PCDH15: variants seen among roughly 807,000 people sequenced by gnomAD.
The protein encoded by PCDH15 is protocadherin-15.
In PCDH15, 129 loss-of-function variants were observed where a neutral mutation model predicts 178.5. That is an observed-to-expected ratio of 0.72 (90% confidence interval 0.63 to 0.84). The LOEUF is 0.84. PCDH15 is among the 40% of genes least tolerant of loss of function. The pLI is 0.00. For synonymous variants in PCDH15, 800 were observed against 732.0 expected, an observed-to-expected ratio of 1.09 and a Z score of -1.50; for missense variants, 2,230 against 2,099.9, an observed-to-expected ratio of 1.06 and a Z score of -1.21.
chr10:55,175,547 C>A (rs1348935534), intron 1 of PCDH15, among the ~76,000 whole-genome samples: 1 of 151,096 alleles, frequency 6.6e-6, no homozygotes, highest in African/African-American at 2.4e-5. Flanking sequence ...CCTATAATCC[C>A]AGGTACTTGG....
intron 25 of PCDH15, among the ~76,000 whole-genome samples, chr10:53,922,385 C>A (rs146257746): frequency 5.3e-4 from 80 of 152,128 alleles, no homozygotes; most frequent in Middle Eastern, 3.4e-3. Context: ...CCTTAAAATT[C>A]TCAAATACCC....
intron 13 of PCDH15, among the ~76,000 whole-genome samples, chr10:54,170,246 C>G (rs1485834473): frequency 9.0e-6 from 1 of 111,458 alleles, no homozygotes; most frequent in East Asian, 2.0e-4. Flanking sequence ...ACTGATCTCT[C>G]AAACCACAGC....
At chr10:54,971,320 G>C (rs1164105268) in intron 2 of PCDH15, among the ~76,000 whole-genome samples, 2 of 152,082 alleles carry the variant, frequency 1.3e-5, no homozygotes, top group Non-Finnish European at 1.5e-5. Flanking sequence ...GGAACTGGAT[G>C]GGTCCTTTTG....
At chr10:55,520,908 C>T (rs1393646136) in intron 2 of PCDH15, among the ~76,000 whole-genome samples, 1 of 151,526 alleles carries the variant, frequency 6.6e-6, no homozygotes, top group African/African-American at 2.4e-5. Context: ...ATATTATCAC[C>T]TTACATAATT....
At chr10:53,938,632 T>C (rs747868389) in intron 25 of PCDH15, among the ~76,000 whole-genome samples, 183 bp downstream of exon 25, 1 of 152,094 alleles carries the variant, frequency 6.6e-6, no homozygotes. Flanking sequence ...ATTTCAGGAG[T>C]ATGAAATCAC....
At chr10:54,242,356 C>T (rs1052652603) in intron 8 of PCDH15, among the ~76,000 whole-genome samples, 1 of 151,150 alleles carries the variant, frequency 6.6e-6, no homozygotes, top group Non-Finnish European at 1.5e-5. Context: ...GAGAAACACT[C>T]AGATTTCAGA....
chr10:55,597,245 C>T (rs1207268913), intron 2 of PCDH15: 1 of 152,126 alleles, frequency 6.6e-6, no homozygotes, highest in Non-Finnish European at 1.5e-5. Flanking sequence ...CACGTTCACG[C>T]ACACAAGTAC....
chr10:55,055,290 G>A (rs1244435559), intron 2 of PCDH15, among the ~76,000 whole-genome samples: 6 of 152,090 alleles, frequency 3.9e-5, no homozygotes, highest in South Asian at 2.1e-4. Flanking sequence ...TGATTAGCTC[G>A]TTAATTGGAG....
At chr10:55,380,427 AAAT>A (rs1200631290) in intron 2 of PCDH15, among the ~76,000 whole-genome samples, 3 of 152,204 alleles carry the variant, frequency 2.0e-5, no homozygotes, top group Non-Finnish European at 4.4e-5. Context: ...TTGAGTAAAG[AAAT>A]AATAGCTTTT....
intron 21 of PCDH15, among the ~76,000 whole-genome samples, chr10:53,991,825 T>G (rs2091507069): frequency 6.6e-6 from 1 of 152,044 alleles, no homozygotes; most frequent in Non-Finnish European, 1.5e-5. Flanking sequence ...CAGCACCCTG[T>G]CAAAACAGAC....
chr10:54,307,672 A>C (rs1453240113), intron 8 of PCDH15, among the ~76,000 whole-genome samples: 1 of 151,990 alleles, frequency 6.6e-6, no homozygotes, highest in Non-Finnish European at 1.5e-5. Flanking sequence ...TGACAATGCC[A>C]ACTCTGTTTA....
At chr10:54,387,276 C>G (rs1950038356) in intron 3 of PCDH15, among the ~76,000 whole-genome samples, 1 of 152,012 alleles carries the variant, frequency 6.6e-6, no homozygotes, top group African/African-American at 2.4e-5. Flanking sequence ...ACTTACATAC[C>G]CATGTTCCTG....
chr10:55,085,491 T>G (rs1564785490), intron 2 of PCDH15, among the ~76,000 whole-genome samples: 1 of 151,872 alleles, frequency 6.6e-6, no homozygotes, highest in Non-Finnish European at 1.5e-5. Context: ...AGAGTATAAT[T>G]GGAATGTTTA....
At chr10:54,067,321 C>T (rs915512278) in intron 17 of PCDH15, among the ~76,000 whole-genome samples, 1 of 152,152 alleles carries the variant, frequency 6.6e-6, no homozygotes, top group Admixed American at 6.5e-5. Context: ...CATGGTACAT[C>T]AAATGAGCAT....
chr10:55,325,651 G>A (rs941164004), intron 2 of PCDH15, among the ~76,000 whole-genome samples: 1 of 151,926 alleles, frequency 6.6e-6, no homozygotes, highest in Middle Eastern at 3.2e-3. Flanking sequence ...ATAAGAACTG[G>A]CAAAGATTTC....
At chr10:55,323,013 T>TG (rs978613631), upstream of PCDH15, among the ~76,000 whole-genome samples, 3 of 152,144 alleles carry the variant, frequency 2.0e-5, no homozygotes, top group African/African-American at 7.2e-5. Flanking sequence ...AGTCGCCCTG[T>TG]GTCCCAGCTG....
At chr10:54,965,336 T>G (rs190759127) in intron 2 of PCDH15, among the ~76,000 whole-genome samples, 11 of 152,196 alleles carry the variant, frequency 7.2e-5, no homozygotes, top group Non-Finnish European at 1.6e-4. Context: ...GGGGTGGATT[T>G]TCCCCACGCT....
intron 37 of PCDH15, among the ~76,000 whole-genome samples, 188 bp from the exon 38 acceptor site, chr10:53,807,318 A>ATCTT (rs1841253589): frequency 1.3e-5 from 2 of 152,140 alleles, no homozygotes; most frequent in Non-Finnish European, 2.9e-5. Context: ...TTGGCTTTAG[A>ATCTT]TCTTTCTTAT....
At chr10:54,045,788 T>A (rs574081417) in intron 18 of PCDH15, among the ~76,000 whole-genome samples, 18 of 152,266 alleles carry the variant, frequency 1.2e-4, no homozygotes, top group Admixed American at 2.6e-4. Context: ...GTAGGCTATT[T>A]TTTAAGCAAG....
Sources: allele counts gnomAD v4.1 joint callset (sites outside exome capture counted in the v4.1 genomes callset), GRCh38; gene constraint gnomAD v4.1.1; transcripts MANE v1.5; gene names NCBI Gene and HGNC (gene_info 2026-07-23, HGNC 2026-07-21).